CEP131: variants seen among roughly 807,000 people sequenced by gnomAD.
CEP131 encodes centrosomal protein 131.
CEP131 carries 99 observed loss-of-function variants against 136.8 expected under a neutral mutation model. That is an observed-to-expected ratio of 0.72 (90% CI 0.62 to 0.86). The LOEUF (loss-of-function observed/expected upper bound fraction) is 0.86, where lower values mean the gene tolerates loss of function less well. CEP131 is among the 40% of genes least tolerant of loss of function. The pLI is 0.00. For missense variants in CEP131, 1,459 were observed against 1,463.0 expected (o/e 1.00, Z 0.04); for synonymous variants, 646 against 612.7 (o/e 1.05, Z -0.80).
At chr17:81,200,122 T>A (rs1221117305) in intron 8 of CEP131, 1 of 609,740 alleles carries the variant, frequency 1.6e-6, no homozygotes, top group African/African-American at 1.9e-5. Flanking sequence ...CAGCAGGCGT[T>A]TCCTGACACC....
chr17:81,207,336 G>A (rs2062030191), intron 3 of CEP131, 97 bp from the exon 4 acceptor site: 3 of 1,018,554 alleles, frequency 2.9e-6, no homozygotes, highest in Admixed American at 4.6e-5. Flanking sequence ...GGACAGAGGG[G>A]CTGAGGCACT....
chr17:81,195,837 G>A lies in CEP131; in HGVS notation c.2014C>T (p.Leu672=). Residue 672 remains leucine (L), a splice_region_variant and synonymous_variant, in exon 16 of 26, where the codon CTG becomes TTG. Transcript: ENST00000450824. The stretch of plus-strand genomic sequence containing the variant: ...TGCAGTAGGGAGCAAAGCCTCACCA[G>A]CTCGTGCTGCGCCTGTGCCTGGGCC... ...RVAQAQAQHE[L]EIKKLKELMS... The A allele has an allele frequency of 1.9e-5, 30 of 1,602,820 alleles. No individual in the cohort carries two copies. Among genetic ancestry groups the A allele is most frequent in the Non-Finnish European group, 2.5e-5 (29 of 1,179,650 alleles).
chr17:81,200,770 G>A (rs1339399181), intron 7 of CEP131, among the ~76,000 whole-genome samples: 2 of 152,208 alleles, frequency 1.3e-5, no homozygotes, highest in Admixed American at 6.5e-5. Flanking sequence ...TGGCTACAGC[G>A]TGAATACTGG....
rs368401398 is a variant in CEP131 at position 81,194,452 on chromosome 17, G to A, written c.2120-325C>T. ...AGCCCTGCACATCACCCAAGGGTCC[G>A]AGGCCCCTTCAGACCACAACACCCA... On this transcript the variant is annotated intron_variant, in intron 17 of 25. Transcript: ENST00000450824. 3.3e-4 allele frequency among the ~76,000 whole-genome samples: 51 copies of A among 152,284 alleles called. 1 individual carries two copies. The highest frequency in any genetic ancestry group is 1.0e-3 in the African/African-American group (42 of 41,570).
intron 5 of CEP131, 120 bp downstream of exon 5, chr17:81,206,624 T>A: frequency 1.5e-6 from 2 of 1,349,298 alleles, no homozygotes; most frequent in Non-Finnish European, 2.0e-6. Flanking sequence ...TTTCACTCAC[T>A]CACTCATTCA....
In CEP131 at chr17:81,203,258, C is replaced by T. The variant is rs113594937; in HGVS notation, c.629+236G>A. 4.3e-4 allele frequency among the ~76,000 whole-genome samples: 65 copies of T among 152,330 alleles called. 1 individual carries two copies. The highest frequency in any genetic ancestry group is 3.4e-3 in the Middle Eastern group (1 of 294). Reference sequence around the variant, plus strand: ...CTGCCGACCCAAGAACAGAAGAGGGCGGCGGACGTGGATGGGGAGCCCGGT... The same window carrying T: ...CTGCCGACCCAAGAACAGAAGAGGGTGGCGGACGTGGATGGGGAGCCCGGT... On this transcript the variant is annotated intron_variant, in intron 6 of 25. Transcript: ENST00000450824. This position sits in a 1 kb window ranked among gnomAD's most constrained non-coding sequence, Gnocchi z 4.6.
At chr17:81,210,953 T>C (rs2062119244) in intron 2 of CEP131, among the ~76,000 whole-genome samples, 1 of 151,668 alleles carries the variant, frequency 6.6e-6, no homozygotes, top group Non-Finnish European at 1.5e-5. Context: ...GAACAGAAAG[T>C]GCAGGCAGGG....
rs1342298478 is a variant in CEP131, at chr17:81,206,627, C to CTCAT, written c.515+113_515+116dup. ...TGAAAGCCATTCTTTCACTCACTCACTCATTCATTCATTCCAAAGCACCCT... is the reference window on the plus strand; with the variant it reads ...TGAAAGCCATTCTTTCACTCACTCACTCATTCATTCATTCATTCCAAAGCACCCT... On this transcript the variant is annotated intron_variant, in intron 5 of 25. Transcript: ENST00000450824. 8 of 1,358,852 alleles carry CTCAT rather than the reference C, an allele frequency of 5.9e-6. No homozygotes were observed. The South Asian group carries it at 7.1e-5, about 12-fold the overall frequency. 84.2% of individuals were successfully genotyped at this position (1,358,852 alleles called of 1,614,324 possible). A position where few individuals can be genotyped will look rare whatever the true frequency, so the allele number is the denominator to read the frequency against.
Position 81,191,304 on chromosome 17 carries a change from A to G in CEP131, c.2654T>C (p.Leu885Pro). 6.2e-7 allele frequency: 1 copy of G among 1,613,172 alleles called. No homozygotes were observed. Among genetic ancestry groups the G allele is most frequent in the Non-Finnish European group, 8.5e-7 (1 of 1,179,922 alleles). Residue 885 changes from leucine to proline, a missense_variant, in exon 22 of 26, where the codon CTG becomes CCG. This residue lies in a region of CEP131 where 1,026 missense variants were observed against 964.2 expected (regional missense o/e 1.06). Transcript: ENST00000450824. ...EAWLLNREQE[L>P]REEIRKGRDK... ...CCGGCCTTTCCGGATTTCTTCCCTC[A>G]GCTCCTGTTCCCGGTTCAGCAGCCA...
At chr17:81,194,653 G>A (rs1406010930) in intron 17 of CEP131, among the ~76,000 whole-genome samples, 2 of 152,240 alleles carry the variant, frequency 1.3e-5, no homozygotes, top group South Asian at 2.1e-4. Flanking sequence ...AGATGCTGGG[G>A]GCTGGGCCAG....
intron 17 of CEP131, 85 bp downstream of exon 17, chr17:81,194,785 G>A (rs2146520109): frequency 9.1e-7 from 1 of 1,102,274 alleles, no homozygotes; most frequent in Non-Finnish European, 1.4e-6. Context: ...CTACATGAAT[G>A]CCTGAAGTTA....
rs1051195831 is a variant in CEP131 at position 81,203,783 on chromosome 17, A to T, written c.516-176T>A. The stretch of plus-strand genomic sequence containing the variant: ...CCCTTCCACAGCCTGCGCCCTGATG[A>T]TGGGGTTCTTCCCAGGACAGGAAAG... On this transcript the variant is annotated intron_variant, in intron 5 of 25. Transcript: ENST00000450824. This position sits in a 1 kb window ranked among gnomAD's most constrained non-coding sequence, Gnocchi z 4.6. The T allele has an allele frequency of 5.8e-5, 34 of 588,150 alleles. No individual in the cohort carries two copies. The highest frequency in any genetic ancestry group is 1.0e-4 in the Non-Finnish European group (34 of 331,106). The allele number at this position is 588,150 out of a possible 1,614,324, so 36.4% of individuals were successfully genotyped here.
chr17:81,194,410 AG>A, intron 17 of CEP131, among the ~76,000 whole-genome samples: 1 of 152,178 alleles, frequency 6.6e-6, no homozygotes, highest in Non-Finnish European at 1.5e-5. Flanking sequence ...CCAGAGCGAG[AG>A]GACCAGGCCT....
intron 9 of CEP131, 74 bp from the exon 10 acceptor site, chr17:81,199,623 G>A (rs543705521): frequency 1.9e-6 from 3 of 1,594,514 alleles, no homozygotes; most frequent in South Asian, 1.1e-5. Context: ...GCTGCCCTGA[G>A]GCTAAGTGTC....
At chr17:81,204,641 T>TGAG (rs1415989558) in intron 5 of CEP131, among the ~76,000 whole-genome samples, 1 of 151,394 alleles carries the variant, frequency 6.6e-6, no homozygotes, top group African/African-American at 2.4e-5. Context: ...ATGATGGGAA[T>TGAG]GAGGATAAGC....
At chr17:81,192,669 G>A in intron 19 of CEP131, 67 bp downstream of exon 19, 3 of 1,329,376 alleles carry the variant, frequency 2.3e-6, no homozygotes, top group Non-Finnish European at 3.1e-6. Flanking sequence ...AGCGGGTGAG[G>A]GGGCGGGGGG....
Position 81,192,476 on chromosome 17 carries a change from C to CTGG in CEP131, c.2544_2546dup (p.His848dup). 1 of 1,611,960 alleles carries CTGG rather than the reference C, an allele frequency of 6.2e-7. No homozygotes were observed. The highest frequency in any genetic ancestry group is 8.5e-7 in the Non-Finnish European group (1 of 1,179,828). On this transcript the variant is annotated inframe_insertion and splice_region_variant, in exon 20 of 26. Transcript: ENST00000450824. ...CCAGCACAGCCCTCCGGTGGTAGACCTGGTGCCGGCGCTCCTGCTCCTCCC... is the reference window on the plus strand; with the variant it reads ...CCAGCACAGCCCTCCGGTGGTAGACCTGGTGGTGCCGGCGCTCCTGCTCCTCCC...
rs1250864929 is a variant in CEP131 at position 81,199,754 on chromosome 17, C to T, written c.988G>A (p.Glu330Lys). 1 of 1,611,054 alleles carries T rather than the reference C, an allele frequency of 6.2e-7. No homozygotes were observed. Among genetic ancestry groups the T allele is most frequent in the Non-Finnish European group, 8.5e-7 (1 of 1,179,994 alleles). ...KEAARRKARE[E>K]KARQARRAAI... ...GCTCGCCTGGCTTGGCGTGCCTTCTCCTCCCGGGCCTTCCTCCTGGCTGCC... is the reference window on the plus strand; with the variant it reads ...GCTCGCCTGGCTTGGCGTGCCTTCTTCTCCCGGGCCTTCCTCCTGGCTGCC... The change falls in exon 9 of 26, where the codon GAG (glutamate) becomes AAG (lysine). Residue 330 changes from glutamate (E) to lysine (K), a missense_variant. Physicochemically the swap from Glu to Lys is moderately conservative, Grantham distance 56. Coordinates refer to ENST00000450824, the MANE Select transcript of CEP131 (RefSeq NM_014984.4).
At chr17:81,197,277 C>T in intron 13 of CEP131, 1 of 630,652 alleles carries the variant, frequency 1.6e-6, no homozygotes, top group Middle Eastern at 4.4e-4. Context: ...AAAAACAAAC[C>T]ATTTAAAAAG....
Sources: gnomAD v4.1 joint callset for allele counts (sites outside exome capture counted in the v4.1 genomes callset) on GRCh38, gnomAD v4.1.1 for gene constraint, gnomAD v4.1.1 regional missense constraint, Gnocchi (gnomAD v3.1) non-coding constraint, MANE v1.5 for transcripts, NCBI Gene and HGNC (gene_info 2026-07-23, HGNC 2026-07-21) for gene names.